The following HSPA4L variants were observed in gnomAD, a reference collection of about 807,000 sequenced individuals.
The protein encoded by HSPA4L is heat shock 70 kDa protein 4L.
In HSPA4L, 48 loss-of-function variants were observed where a neutral mutation model predicts 100.3. That is an observed-to-expected ratio of 0.48 (90% CI 0.38 to 0.61). The LOEUF (loss-of-function observed/expected upper bound fraction) is 0.61. HSPA4L is among the 20% of genes least tolerant of loss of function. The pLI, the probability that HSPA4L is intolerant of heterozygous loss-of-function variation, is 0.00. For synonymous variants in HSPA4L, 319 were observed against 328.2 expected (o/e 0.97, Z 0.30); for missense variants, 886 against 988.6 (o/e 0.90, Z 1.39).
rs547378772 is a variant in HSPA4L, at chr4:127,782,348, C to T, written c.-203C>T. 62 of 559,868 alleles carry T rather than the reference C, an allele frequency of 1.1e-4. No individual in the cohort carries two copies. Among genetic ancestry groups the T allele is most frequent in the Non-Finnish European group, 1.8e-4 (55 of 313,686 alleles). 34.7% of individuals were successfully genotyped at this position (559,868 alleles called of 1,614,324 possible). A position where few individuals can be genotyped will look rare whatever the true frequency, so the allele number is the denominator to read the frequency against. On this transcript the variant is annotated 5_prime_UTR_variant, in exon 1 of 19. The change creates a new upstream start codon in the 5' untranslated region. Transcript: ENST00000296464. ...GTAGGGAAAGACCCAGGCTGCGGGA[C>T]GCGGTGCAGGCTGCGGCGCTGACGG...
chr4:127,786,391 C>T (rs1732718715), intron 1 of HSPA4L, among the ~76,000 whole-genome samples: 1 of 152,156 alleles, frequency 6.6e-6, no homozygotes, highest in South Asian at 2.1e-4. Context: ...AGCATCTTTG[C>T]TCTACCATCA....
intron 1 of HSPA4L, among the ~76,000 whole-genome samples, chr4:127,784,003 C>G (rs1732641829): frequency 6.6e-6 from 1 of 152,196 alleles, no homozygotes; most frequent in South Asian, 2.1e-4. Context: ...TGTTTGAACT[C>G]TTCTACTTTT....
Position 127,825,805 on chromosome 4 carries a change from A to G in HSPA4L, c.2047-1500A>G, listed in dbSNP as rs548013263. ...GCCGGGCATGGTGGCACGCACCTGT[A>G]ATCCCAGCTACTCAGGAGACTGAGG... On this transcript the variant is annotated intron_variant, in intron 16 of 18. Transcript: ENST00000296464. 7.9e-5 allele frequency among the ~76,000 whole-genome samples: 12 copies of G among 152,096 alleles called. No homozygotes were observed. In the East Asian group the frequency reaches 1.9e-3, roughly 24 times the overall value.
At chr4:127,794,027 A>G (rs745580730) in intron 1 of HSPA4L, 50 bp from the exon 2 acceptor site, 6 of 1,309,478 alleles carry the variant, frequency 4.6e-6, no homozygotes, top group Non-Finnish European at 6.4e-6. Flanking sequence ...AAATAATAGC[A>G]CAATAATATA....
chr4:127,783,484 TAGG>T (rs1199363995), intron 1 of HSPA4L: 17 of 1,452,434 alleles, frequency 1.2e-5, no homozygotes, highest in African/African-American at 7.1e-5. Context: ...ATGAAAGGCT[TAGG>T]AGGAGCGGCG....
rs1734190710 is a variant in HSPA4L, at chr4:127,835,712, AC to A, written c.*2839del. 2 of 151,996 alleles carry A rather than the reference AC, an allele frequency of 1.3e-5. No homozygotes were observed. The highest frequency in any genetic ancestry group is 1.5e-5 in the Non-Finnish European group (1 of 67,992). The allele number at this position is 151,996 out of a possible 1,614,324, so 9.4% of individuals were successfully genotyped here. A position where few individuals can be genotyped will look rare whatever the true frequency, so the allele number is the denominator to read the frequency against. On this transcript the variant is annotated 3_prime_UTR_variant, in exon 19 of 19. Coordinates refer to ENST00000296464, the MANE Select transcript of HSPA4L (RefSeq NM_014278.4). ...AACAAGACTCCGTCTCAAAAAAAAA[AC>A]AAAAATTCTTCCAAAAAACTAGAAA...
rs187279821 is a variant in HSPA4L at position 127,836,228 on chromosome 4, A to G, written c.*3354A>G. The G allele has an allele frequency of 0.012, 1,771 of 152,802 alleles. 12 individuals are homozygous for G. Among genetic ancestry groups the G allele is most frequent in the Admixed American group, 0.016 (249 of 15,304 alleles). The allele number at this position is 152,802 out of a possible 1,614,324, so 9.5% of individuals were successfully genotyped here. ...TAAAAATACAAAAAATTAGCTGGGC[A>G]TGGTGGCGGGCGCCGGTAGTCCCAG... On this transcript the variant is annotated 3_prime_UTR_variant, in exon 19 of 19. Coordinates refer to ENST00000296464, the MANE Select transcript of HSPA4L (RefSeq NM_014278.4).
At chr4:127,800,595 C>T (rs1733148846) in intron 4 of HSPA4L, among the ~76,000 whole-genome samples, 1 of 152,110 alleles carries the variant, frequency 6.6e-6, no homozygotes, top group African/African-American at 2.4e-5. Context: ...CAATATAGTT[C>T]CCCTCCTTTG....
intron 16 of HSPA4L, 119 bp from the exon 17 acceptor site, chr4:127,827,186 G>C: frequency 5.3e-6 from 4 of 756,036 alleles, no homozygotes; most frequent in East Asian, 2.7e-5. Context: ...GAAAATAAGA[G>C]GGGATATATT....
chr4:127,810,774 A>G (rs1733503798), intron 11 of HSPA4L, among the ~76,000 whole-genome samples: 1 of 152,108 alleles, frequency 6.6e-6, no homozygotes, highest in Non-Finnish European at 1.5e-5. Flanking sequence ...AAACACACAT[A>G]GTCATGTTCT....
chr4:127,798,748 T>G, intron 4 of HSPA4L, 39 bp downstream of exon 4: 4 of 1,587,440 alleles, frequency 2.5e-6, no homozygotes, highest in Non-Finnish European at 3.5e-6. Context: ...TTGAATTATA[T>G]TTTACAGTGT....
Position 127,835,702 on chromosome 4 carries a change from C to CA in HSPA4L, c.*2838dup, listed in dbSNP as rs111999996. 0.042 allele frequency: 5,909 copies of CA among 141,350 alleles called. 390 individuals are homozygous for CA. The highest frequency in any genetic ancestry group is 0.3 in the East Asian group (1,482 of 4,970). 8.8% of individuals were successfully genotyped at this position (141,350 alleles called of 1,614,324 possible). On this transcript the variant is annotated 3_prime_UTR_variant, in exon 19 of 19. Transcript: ENST00000296464. The stretch of plus-strand genomic sequence containing the variant: ...TGGGCAACAGAACAAGACTCCGTCT[C>CA]AAAAAAAAAACAAAAATTCTTCCAA...
rs1403329764 is a variant in HSPA4L, at chr4:127,782,570, A to C, written c.20A>C (p.Asp7Ala). The change falls in exon 1 of 19, where the codon GAC becomes GCC. Residue 7 changes from aspartate to alanine, a missense_variant. By Grantham distance (126) the Asp-to-Ala change is moderately radical. Transcript: ENST00000296464. ...GGCGGGATGTCTGTGGTTGGCATTG[A>C]CCTCGGCTTTCTCAACTGCTACATT... MSVVGIDLGFLNCYIAV... is the reference protein window; with the variant it reads MSVVGIALGFLNCYIAV... 1 of 1,613,770 alleles carries C rather than the reference A, an allele frequency of 6.2e-7. No homozygotes were observed. The highest frequency in any genetic ancestry group is 8.5e-7 in the Non-Finnish European group (1 of 1,179,936).
chr4:127,798,132 A>G (rs542789513), intron 3 of HSPA4L, among the ~76,000 whole-genome samples: 5 of 152,188 alleles, frequency 3.3e-5, no homozygotes, highest in African/African-American at 4.8e-5. Flanking sequence ...ACTCATATAC[A>G]TAAACACATT....
At position 127,805,181 on chromosome 4, in the gene HSPA4L, C is replaced by T; in HGVS notation, c.1094C>T (p.Thr365Ile). The change falls in exon 9 of 19, where the codon ACA becomes ATA. Residue 365 changes from threonine to isoleucine, a missense_variant. Transcript: ENST00000296464. Reference sequence around the variant, plus strand: ...TTCTTTCTTAAAGACATAAGTACCACATTAAATGCTGATGAAGCTGTTGCA... The same window carrying T: ...TTCTTTCTTAAAGACATAAGTACCATATTAAATGCTGATGAAGCTGTTGCA... Reference protein sequence around the residue: ...TKFFLKDISTTLNADEAVARG... With the variant: ...TKFFLKDISTILNADEAVARG... 6.2e-7 allele frequency: 1 copy of T among 1,610,676 alleles called. No homozygotes were observed.
chr4:127,809,665 G>A (rs1223783742), intron 11 of HSPA4L, among the ~76,000 whole-genome samples: 1 of 152,124 alleles, frequency 6.6e-6, no homozygotes, highest in Non-Finnish European at 1.5e-5. Context: ...AGGCTGTATC[G>A]TCCAAGGAAT....
At chr4:127,814,595 T>G (rs1024598310) in intron 12 of HSPA4L, among the ~76,000 whole-genome samples, 21 of 152,028 alleles carry the variant, frequency 1.4e-4, no homozygotes, top group African/African-American at 4.8e-4. Context: ...TGAGACGGAG[T>G]CTCGCTCTGT....
chr4:127,798,103 GATAT>G (rs1045772723), intron 3 of HSPA4L, among the ~76,000 whole-genome samples: 1 of 152,018 alleles, frequency 6.6e-6, no homozygotes, highest in African/African-American at 2.4e-5. Flanking sequence ...TATGTCATTA[GATAT>G]ATATATTTAT....
chr4:127,801,607 T>C (rs1274175155), intron 5 of HSPA4L, among the ~76,000 whole-genome samples, 178 bp from the exon 6 acceptor site: 3 of 152,008 alleles, frequency 2.0e-5, no homozygotes, highest in Non-Finnish European at 4.4e-5. Context: ...GAGTTATAGA[T>C]GAGTAAGGAA....
Sources: allele counts gnomAD v4.1 joint callset (sites outside exome capture counted in the v4.1 genomes callset), GRCh38; gene constraint gnomAD v4.1.1; transcripts MANE v1.5; gene names NCBI Gene and HGNC (gene_info 2026-07-23, HGNC 2026-07-21).